The following ERVH48-1 variants were observed in gnomAD, a reference collection of about 807,000 sequenced individuals.
The protein encoded by ERVH48-1 is suppressyn.
Under a neutral mutation model 2.4 loss-of-function variants are expected in ERVH48-1, and 4 were observed. That is an observed-to-expected ratio of 1.68 (90% CI 0.83 to 3.84). The LOEUF (loss-of-function observed/expected upper bound fraction) is 3.84, where lower values mean the gene tolerates loss of function less well. ERVH48-1 is among the 30% of genes most tolerant of loss of function. The pLI is 0.01. For missense variants in ERVH48-1, 97 were observed against 43.4 expected, an observed-to-expected ratio of 2.23 and a Z score of -3.47; for synonymous variants, 32 against 15.5, an observed-to-expected ratio of 2.06 and a Z score of -2.49.
intron 1 of ERVH48-1, among the ~76,000 whole-genome samples, chr21:42,921,132 G>A (rs2058804305): frequency 1.3e-5 from 2 of 152,060 alleles, no homozygotes; most frequent in Admixed American, 6.5e-5. Context: ...CCTGGAGGGC[G>A]GGTCCCTTAG....
At chr21:42,921,392 AAG>A (rs1216980067) in intron 1 of ERVH48-1, among the ~76,000 whole-genome samples, 3 of 152,092 alleles carry the variant, frequency 2.0e-5, no homozygotes, top group Non-Finnish European at 4.4e-5. Flanking sequence ...AGTCCTAGAA[AAG>A]AGAGAATTTC....
rs988135468 is a variant in ERVH48-1 at position 42,918,392 on chromosome 21, C to T, written c.*132G>A. The T allele has an allele frequency of 3.0e-5, 11 of 366,342 alleles. No individual in the cohort carries two copies. Among genetic ancestry groups the T allele is most frequent in the African/African-American group, 2.1e-4 (10 of 46,932 alleles). The allele number at this position is 366,342 out of a possible 1,614,324, so 22.7% of individuals were successfully genotyped here. On this transcript the variant is annotated 3_prime_UTR_variant, in exon 2 of 2. Coordinates refer to ENST00000447535, the MANE Select transcript of ERVH48-1 (RefSeq NM_001308491.2). ...CTGTAAGTAAGGGGGAATGTCTATCCCGTCCCACAGCCACTGTTCACTCAT... is the reference window on the plus strand; with the variant it reads ...CTGTAAGTAAGGGGGAATGTCTATCTCGTCCCACAGCCACTGTTCACTCAT...
Position 42,918,582 on chromosome 21 carries a change from G to C in ERVH48-1, c.425C>G (p.Pro142Arg), listed in dbSNP as rs750718209. Reference sequence around the variant, plus strand: ...CGGGCGATTTTCAGGGGGAGTTGTTGGTTTTGAGGCTTTGGCTTTGGCTAT... The same window carrying C: ...CGGGCGATTTTCAGGGGGAGTTGTTCGTTTTGAGGCTTTGGCTTTGGCTAT... The part of the protein sequence containing the change: ...QIIAKAKASK[P>R]TTPPENRPRH... The change falls in exon 2 of 2, where the codon CCA (proline) becomes CGA (arginine). Residue 142 changes from proline to arginine, a missense_variant. By Grantham distance (103) the Pro-to-Arg change is moderately radical. Transcript: ENST00000447535. The C allele has an allele frequency of 3.1e-5, 14 of 456,468 alleles. 1 individual carries two copies. The East Asian group carries it at 8.3e-4, about 27-fold the overall frequency. 28.3% of individuals were successfully genotyped at this position (456,468 alleles called of 1,614,324 possible).
At chr21:42,921,551 A>G (rs1408994274) in intron 1 of ERVH48-1, among the ~76,000 whole-genome samples, 2 of 151,938 alleles carry the variant, frequency 1.3e-5, no homozygotes, top group Admixed American at 6.6e-5. Flanking sequence ...TGATACCCCC[A>G]CTCTGCCAGA....
chr21:42,921,402 T>A (rs889304508), intron 1 of ERVH48-1, among the ~76,000 whole-genome samples: 3 of 151,910 alleles, frequency 2.0e-5, no homozygotes, highest in Non-Finnish European at 4.4e-5. Flanking sequence ...AAGAGAGAAT[T>A]TCTTGCTTAG....
Position 42,919,234 on chromosome 21 carries a change from G to C in ERVH48-1, c.-228C>G, listed in dbSNP as rs2058798524. On this transcript the variant is annotated 5_prime_UTR_variant, in exon 2 of 2. Coordinates refer to ENST00000447535, the MANE Select transcript of ERVH48-1 (RefSeq NM_001308491.2). ...GCTGAGTATCACAGTGTAGGGGCCT[G>C]TCCACTTCGGTGGTAGCTTTTTGTG... is the stretch of plus-strand genomic sequence containing the variant. 3.2e-6 allele frequency: 1 copy of C among 311,020 alleles called. No individual in the cohort carries two copies. 19.3% of individuals were successfully genotyped at this position (311,020 alleles called of 1,614,324 possible).
At position 42,923,571 on chromosome 21, in the gene ERVH48-1, G is replaced by T. The variant is rs552307308; in HGVS notation, c.-286+1775C>A. ...GGGCTGGGTTTTCGTCAGGACCTTG[G>T]GTGATTTCTAAAAGTTTTTCATAGT... On this transcript the variant is annotated intron_variant, in intron 1 of 1. Coordinates refer to ENST00000447535, the MANE Select transcript of ERVH48-1 (RefSeq NM_001308491.2). 1.7e-4 allele frequency among the ~76,000 whole-genome samples: 26 copies of T among 152,246 alleles called. No individual in the cohort carries two copies. The South Asian group carries it at 5.0e-3, about 29-fold the overall frequency.
Position 42,919,172 on chromosome 21 carries a change from A to T in ERVH48-1, c.-166T>A. The T allele has an allele frequency of 2.5e-6, 2 of 803,600 alleles. No homozygotes were observed. Among genetic ancestry groups the T allele is most frequent in the Non-Finnish European group, 1.7e-6 (1 of 591,482 alleles). The allele number at this position is 803,600 out of a possible 1,614,324, so 49.8% of individuals were successfully genotyped here. ...AGCTTGACCCTGGTGCGATGGATCC[A>T]GTTGGGGAGTCCTCGGACTCTCACT... On this transcript the variant is annotated 5_prime_UTR_variant, in exon 2 of 2. Coordinates refer to ENST00000447535, the MANE Select transcript of ERVH48-1 (RefSeq NM_001308491.2).
At position 42,918,714 on chromosome 21, in the gene ERVH48-1, C is replaced by T. The variant is rs1044062383; in HGVS notation, c.293G>A (p.Arg98His). ...KVKNLGVCGS[R>H]NGAICPRGKQ... is the part of the protein sequence containing the mutation. ...CCCTCTGGGGCAAATAGCCCCATTA[C>T]GACTGCCACATACTCCTAGATTCTT... is the stretch of plus-strand genomic sequence containing the variant. The change falls in exon 2 of 2, where the codon CGT becomes CAT. Residue 98 changes from arginine to histidine, a missense_variant. Transcript: ENST00000447535. The T allele has an allele frequency of 6.6e-6, 3 of 456,598 alleles. No homozygotes were observed. The highest frequency in any genetic ancestry group is 2.0e-5 in the African/African-American group (1 of 50,074). The allele number at this position is 456,598 out of a possible 1,614,324, so 28.3% of individuals were successfully genotyped here. A position where few individuals can be genotyped will look rare whatever the true frequency, so the allele number is the denominator to read the frequency against.
intron 1 of ERVH48-1, among the ~76,000 whole-genome samples, chr21:42,923,602 G>T (rs1019848642): frequency 5.9e-5 from 9 of 152,084 alleles, no homozygotes; most frequent in African/African-American, 2.2e-4. Flanking sequence ...ATAGTTTACC[G>T]CTTTATGGGC....
Position 42,918,352 on chromosome 21 carries a change from G to C in ERVH48-1, c.*172C>G, listed in dbSNP as rs1352270209. On this transcript the variant is annotated 3_prime_UTR_variant, in exon 2 of 2. Coordinates refer to ENST00000447535, the MANE Select transcript of ERVH48-1 (RefSeq NM_001308491.2). ...ATTCCTGAGGAGTGAAAGTGAGTCT[G>C]GGGTTTTGGGATGCCTGTAAGTAAG... The C allele has an allele frequency of 5.5e-6, 2 of 360,558 alleles. No individual in the cohort carries two copies. Among genetic ancestry groups the C allele is most frequent in the Non-Finnish European group, 1.1e-5 (2 of 185,004 alleles). 22.3% of individuals were successfully genotyped at this position (360,558 alleles called of 1,614,324 possible).
intron 1 of ERVH48-1, among the ~76,000 whole-genome samples, chr21:42,922,195 G>A (rs76709135): frequency 1.3e-5 from 2 of 152,196 alleles, no homozygotes; most frequent in Middle Eastern, 6.8e-3. Context: ...TAATGCAGAA[G>A]GGGGTGTGGT....
intron 1 of ERVH48-1, among the ~76,000 whole-genome samples, chr21:42,923,650 T>C (rs911998915): frequency 6.6e-6 from 1 of 152,200 alleles, no homozygotes; most frequent in Admixed American, 6.5e-5. Context: ...CACAATCATG[T>C]GGTCTCGATG....
chr21:42,918,791 A>T lies in ERVH48-1; in HGVS notation c.216T>A (p.Tyr72Ter), dbSNP rs1005446467. The change falls in exon 2 of 2, where the codon TAT (tyrosine) becomes TAA (stop). Residue 72 changes from tyrosine (Y) to a stop codon, truncating the protein, a stop_gained. Transcript: ENST00000447535. LOFTEE classifies it high-confidence loss of function. ...CAACACATTCCTCGATTAAGTTTCC[A>T]TAACAGGATCTTTCTATATGAGTAT... ...TYHTHIERSC[Y>*]GNLIEECVES... 1 of 456,728 alleles carries T rather than the reference A, an allele frequency of 2.2e-6. No individual in the cohort carries two copies. Among genetic ancestry groups the T allele is most frequent in the Non-Finnish European group, 4.4e-6 (1 of 226,974 alleles). 28.3% of individuals were successfully genotyped at this position (456,728 alleles called of 1,614,324 possible).
At chr21:42,923,668 C>T (rs564197154) in intron 1 of ERVH48-1, among the ~76,000 whole-genome samples, 29 of 152,300 alleles carry the variant, frequency 1.9e-4, no homozygotes, top group Admixed American at 1.2e-3. Flanking sequence ...ATGGCAGCAT[C>T]CAAAGGCCCC....
chr21:42,919,143 G>C lies in ERVH48-1; in HGVS notation c.-137C>G. The C allele has an allele frequency of 9.0e-7, 1 of 1,106,844 alleles. No homozygotes were observed. The highest frequency in any genetic ancestry group is 1.2e-6 in the Non-Finnish European group (1 of 865,832). The allele number at this position is 1,106,844 out of a possible 1,614,324, so 68.6% of individuals were successfully genotyped here. A position where few individuals can be genotyped will look rare whatever the true frequency, so the allele number is the denominator to read the frequency against. ...TTTTGGAGGAAGAAGCTGCCTTGGGGGTGAGCTTGACCCTGGTGCGATGGA... is the reference window on the plus strand; with the variant it reads ...TTTTGGAGGAAGAAGCTGCCTTGGGCGTGAGCTTGACCCTGGTGCGATGGA... On this transcript the variant is annotated 5_prime_UTR_variant, in exon 2 of 2. Transcript: ENST00000447535.
rs569717850 is a variant in ERVH48-1, at chr21:42,918,542, G to A, written c.465C>T (p.Ser155=). The A allele has an allele frequency of 5.9e-4, 268 of 456,022 alleles. 1 individual carries two copies. Among genetic ancestry groups the A allele is most frequent in the African/African-American group, 5.0e-3 (253 of 50,100 alleles). 28.2% of individuals were successfully genotyped at this position (456,022 alleles called of 1,614,324 possible). The part of the protein sequence containing the change: ...PPENRPRHFH[S]FIQKL The stretch of plus-strand genomic sequence containing the variant: ...CATCTGCTTATAGTTTTTGTATAAA[G>A]GAATGGAAATGCCGCGGGCGATTTT... Residue 155 remains serine (S), a synonymous_variant, in exon 2 of 2, where the codon TCC becomes TCT. Coordinates refer to ENST00000447535, the MANE Select transcript of ERVH48-1 (RefSeq NM_001308491.2).
intron 1 of ERVH48-1, 172 bp from the exon 2 acceptor site, chr21:42,919,463 A>G (rs1321271326): frequency 6.4e-6 from 1 of 155,562 alleles, no homozygotes; most frequent in Non-Finnish European, 1.4e-5. Context: ...GTTCGGCCAT[A>G]CATGATCTCA....
rs974446349 is a variant in ERVH48-1, at chr21:42,919,283, C to T, written c.-277G>A. 1.9e-5 allele frequency: 5 copies of T among 259,432 alleles called. No homozygotes were observed. The highest frequency in any genetic ancestry group is 6.6e-5 in the African/African-American group (3 of 45,234). 16.1% of individuals were successfully genotyped at this position (259,432 alleles called of 1,614,324 possible). ...TGAGGGTCAGTTTGGCCGATAAACA[C>T]GTCTGTGCCTGCAAGACAGTTATGA... On this transcript the variant is annotated 5_prime_UTR_variant, in exon 2 of 2. It adds an upstream start codon to the 5' untranslated region. Transcript: ENST00000447535.
Sources: allele counts gnomAD v4.1 joint callset (sites outside exome capture counted in the v4.1 genomes callset), GRCh38; gene constraint gnomAD v4.1.1; transcripts MANE v1.5; gene names NCBI Gene and HGNC (gene_info 2026-07-23, HGNC 2026-07-21).